Variants in TBC1D5 observed in about 807,000 individuals in gnomAD.
TBC1D5 encodes TBC1 domain family member 5.
A neutral mutation model predicts 100.3 loss-of-function variants in TBC1D5; 75 were observed. That is an observed-to-expected ratio of 0.75 (90% confidence interval 0.62 to 0.91). The LOEUF (loss-of-function observed/expected upper bound fraction) is 0.91, where lower values mean the gene tolerates loss of function less well. TBC1D5 is among the 40% of genes least tolerant of loss of function. The probability of loss-of-function intolerance (pLI) is 0.00; values close to 1 mark genes in which losing one functional copy is unlikely to be tolerated. For missense variants in TBC1D5, 910 were observed against 942.4 expected, an observed-to-expected ratio of 0.97 and a Z score of 0.45; for synonymous variants, 323 against 325.6, an observed-to-expected ratio of 0.99 and a Z score of 0.09.
chr3:17,489,101 G>T (rs1206399098), intron 3 of TBC1D5, among the ~76,000 whole-genome samples: 3 of 151,664 alleles, frequency 2.0e-5, no homozygotes, highest in Admixed American at 2.0e-4. Flanking sequence ...ATCAACAAAT[G>T]AATCATTTTA....
intron 2 of TBC1D5, among the ~76,000 whole-genome samples, chr3:17,605,505 C>A (rs2061281592): frequency 6.6e-6 from 1 of 152,124 alleles, no homozygotes; most frequent in Non-Finnish European, 1.5e-5. Flanking sequence ...ACTTAAAGTG[C>A]AAATTTAATC....
chr3:17,464,339 C>T (rs1374676080), intron 3 of TBC1D5, among the ~76,000 whole-genome samples: 1 of 152,124 alleles, frequency 6.6e-6, no homozygotes, highest in African/African-American at 2.4e-5. Flanking sequence ...CCACCACACG[C>T]TTAAAGCTCA....
intron 2 of TBC1D5, among the ~76,000 whole-genome samples, chr3:17,575,762 T>C (rs1040307015): frequency 6.6e-6 from 1 of 152,110 alleles, no homozygotes; most frequent in Non-Finnish European, 1.5e-5. Flanking sequence ...ACCAACAAAC[T>C]ATGAATGTAA....
rs190445392 is a variant in TBC1D5 at position 17,615,802 on chromosome 3, G to A, written c.-36+8047C>T. Among the ~76,000 whole-genome samples the A allele has an allele frequency of 1.4e-3, 216 of 152,078 alleles. 1 individual carries two copies. Among genetic ancestry groups the A allele is most frequent in the African/African-American group, 4.8e-3 (200 of 41,488 alleles). On this transcript the variant is annotated intron_variant, in intron 2 of 21. Coordinates refer to ENST00000253692, the Ensembl canonical transcript of TBC1D5. ...TTTCTTCTTTATTAGTCTTGCTAGC[G>A]GTCTATCAATTTTGTTGATCCTTTC...
chr3:17,360,174 C>T (rs1194213678), intron 13 of TBC1D5, among the ~76,000 whole-genome samples: 1 of 151,998 alleles, frequency 6.6e-6, no homozygotes, highest in East Asian at 1.9e-4. Context: ...GATTTAAAAA[C>T]AACTCTGACT....
chr3:17,196,665 T>C (rs1045188423), intron 18 of TBC1D5, among the ~76,000 whole-genome samples: 4 of 152,192 alleles, frequency 2.6e-5, no homozygotes, highest in African/African-American at 9.7e-5. Flanking sequence ...GTGAAATACT[T>C]TGGGTATATG....
At chr3:17,603,152 T>C (rs891332286) in intron 2 of TBC1D5, among the ~76,000 whole-genome samples, 4 of 149,046 alleles carry the variant, frequency 2.7e-5, no homozygotes, top group Non-Finnish European at 5.9e-5. Context: ...TTTAAGTTTT[T>C]TGGTTTTTTT....
At chr3:17,388,626 A>G (rs2093247728) in intron 8 of TBC1D5, among the ~76,000 whole-genome samples, 1 of 150,326 alleles carries the variant, frequency 6.7e-6, no homozygotes, top group Non-Finnish European at 1.5e-5. Context: ...AGGCAGGAGG[A>G]TCCCTTGAGC....
intron 1 of TBC1D5, among the ~76,000 whole-genome samples, chr3:17,724,095 TGAGACAAA>T (rs2075919448): frequency 6.8e-6 from 1 of 146,602 alleles, no homozygotes. Flanking sequence ...TTTTTTTTTT[TGAGACAAA>T]CTCTCACTCT....
chr3:17,186,710 C>CAAAAAAAAAAAAAAAAAAAAA (rs58438478), intron 18 of TBC1D5, among the ~76,000 whole-genome samples: 3 of 27,278 alleles, frequency 1.1e-4, no homozygotes, highest in Non-Finnish European at 1.4e-4. Context: ...ACTCTATCTC[C>CAAAAAAAAAAAAAAAAAAAAA]AAAAAAAAAA....
intron 19 of TBC1D5, among the ~76,000 whole-genome samples, chr3:17,176,302 A>C (rs1575749082): frequency 1.3e-5 from 2 of 152,210 alleles, no homozygotes; most frequent in Admixed American, 1.3e-4. Flanking sequence ...GGCAGTTGCT[A>C]TTGTATGTGA....
chr3:17,540,905 CAAAAAAA>C (rs71634807), intron 2 of TBC1D5, among the ~76,000 whole-genome samples: 29 of 31,460 alleles, frequency 9.2e-4, no homozygotes, highest in African/African-American at 2.3e-3. Flanking sequence ...GGCTCCATCT[CAAAAAAA>C]AAAAAAAAAA....
intron 1 of TBC1D5, chr3:17,706,295 T>TCAC (rs1437471696): frequency 6.5e-7 from 1 of 1,532,862 alleles, no homozygotes; most frequent in African/African-American, 1.4e-5. Context: ...CTAGAGGGTC[T>TCAC]CACCTTTTCT....
chr3:17,186,856 C>A (rs1398544665), intron 18 of TBC1D5, among the ~76,000 whole-genome samples: 1 of 151,708 alleles, frequency 6.6e-6, no homozygotes, highest in East Asian at 1.9e-4. Context: ...CTTTACATAT[C>A]CTGCAAGTGT....
rs191203591 is a variant in TBC1D5, at chr3:17,267,021, A to G, written c.1246-8430T>C. Among the ~76,000 whole-genome samples, 120 of 152,266 alleles carry G rather than the reference A, an allele frequency of 7.9e-4. 2 individuals carry two copies. In the East Asian group the frequency reaches 0.012, roughly 16 times the overall value. ...TCATTTTACATACTGAATAAACCCA[A>G]TTCCCTAAAGTGACATCCCCATCTA... On this transcript the variant is annotated intron_variant, in intron 15 of 21. Coordinates refer to ENST00000253692, the Ensembl canonical transcript of TBC1D5.
At chr3:17,436,100 C>T (rs922399951) in intron 3 of TBC1D5, among the ~76,000 whole-genome samples, 3 of 152,078 alleles carry the variant, frequency 2.0e-5, no homozygotes, top group Non-Finnish European at 2.9e-5. Flanking sequence ...GTAAGCCTTA[C>T]TGAATTGGTA....
At chr3:17,206,410 A>G (rs2072192310) in intron 18 of TBC1D5, among the ~76,000 whole-genome samples, 2 of 152,204 alleles carry the variant, frequency 1.3e-5, no homozygotes, top group Non-Finnish European at 2.9e-5. Context: ...CTTAAATTAT[A>G]ATTTCTAGAT....
chr3:17,556,736 G>A (rs984568676), intron 2 of TBC1D5, among the ~76,000 whole-genome samples: 1 of 152,026 alleles, frequency 6.6e-6, no homozygotes, highest in African/African-American at 2.4e-5. Flanking sequence ...AATTTACTTA[G>A]GAAAACTTTC....
chr3:17,518,444 C>A (rs1164497834), intron 2 of TBC1D5, among the ~76,000 whole-genome samples: 2 of 152,142 alleles, frequency 1.3e-5, no homozygotes, highest in African/African-American at 2.4e-5. Context: ...GGACAGCTTG[C>A]ATAACTTTGG....
Sources: gnomAD v4.1 joint callset for allele counts (sites outside exome capture counted in the v4.1 genomes callset) on GRCh38, gnomAD v4.1.1 for gene constraint, MANE v1.5 for transcripts, NCBI Gene and HGNC (gene_info 2026-07-23, HGNC 2026-07-21) for gene names.